The following SRPK1 variants were observed in gnomAD, a reference collection of about 807,000 sequenced individuals.
The protein encoded by SRPK1 is SRSF protein kinase 1.
In SRPK1, 52 loss-of-function variants were observed where a neutral mutation model predicts 89.5. That is an observed-to-expected ratio of 0.58 (90% confidence interval 0.46 to 0.73). SRPK1 has a LOEUF of 0.73. Among genes scored for constraint, SRPK1 ranks in the 30% least tolerant of loss-of-function variants. The pLI, the probability that SRPK1 is intolerant of heterozygous loss-of-function variation, is 0.00. For synonymous variants in SRPK1, 255 were observed against 270.2 expected (o/e 0.94, Z 0.55); for missense variants, 603 against 780.6 (o/e 0.77, Z 2.71).
intron 6 of SRPK1, among the ~76,000 whole-genome samples, chr6:35,876,906 C>T (rs762748999): frequency 3.3e-5 from 5 of 152,130 alleles, no homozygotes; most frequent in Non-Finnish European, 7.3e-5. Flanking sequence ...AGCTGAGAGT[C>T]TGGAGAGACC....
chr6:35,886,951 T>C, intron 5 of SRPK1, 140 bp from the exon 6 acceptor site: 1 of 592,228 alleles, frequency 1.7e-6, no homozygotes, highest in South Asian at 2.2e-5. Flanking sequence ...AAAATTTCAA[T>C]AGCTTTAATG....
At chr6:35,856,591 T>G (rs1366597438) in intron 13 of SRPK1, among the ~76,000 whole-genome samples, 1 of 152,136 alleles carries the variant, frequency 6.6e-6, no homozygotes, top group African/African-American at 2.4e-5. Flanking sequence ...ATCCAGACAG[T>G]TATACATAAC....
At chr6:35,908,807 G>A (rs984364374) in intron 2 of SRPK1, among the ~76,000 whole-genome samples, 3 of 152,226 alleles carry the variant, frequency 2.0e-5, no homozygotes, top group Non-Finnish European at 2.9e-5. Context: ...GGCTTAGGAG[G>A]AAAAAGCTAA....
At chr6:35,852,146 A>G (rs1236827988) in intron 13 of SRPK1, among the ~76,000 whole-genome samples, 1 of 152,174 alleles carries the variant, frequency 6.6e-6, no homozygotes, top group African/African-American at 2.4e-5. Flanking sequence ...TTCCTGGGGA[A>G]CAAATGCTTG....
At chr6:35,885,395 T>C (rs548651830) in intron 6 of SRPK1, among the ~76,000 whole-genome samples, 1 of 152,110 alleles carries the variant, frequency 6.6e-6, no homozygotes, top group Non-Finnish European at 1.5e-5. Flanking sequence ...CAGTTTTCCT[T>C]AGACATCTGG....
chr6:35,858,475 C>T (rs1769711532), intron 12 of SRPK1, among the ~76,000 whole-genome samples: 1 of 135,440 alleles, frequency 7.4e-6, no homozygotes, highest in Non-Finnish European at 1.6e-5. Flanking sequence ...CAGACTTCCA[C>T]TGGGGGAAAA....
At chr6:35,865,301 G>A (rs1394168586) in intron 12 of SRPK1, among the ~76,000 whole-genome samples, 1 of 151,586 alleles carries the variant, frequency 6.6e-6, no homozygotes, top group African/African-American at 2.4e-5. Context: ...GATACCCCAC[G>A]AATACATACA....
At chr6:35,858,737 A>G (rs866505810) in intron 12 of SRPK1, among the ~76,000 whole-genome samples, 1 of 152,142 alleles carries the variant, frequency 6.6e-6, no homozygotes, top group Non-Finnish European at 1.5e-5. Context: ...AAAAGATGAC[A>G]TAAACCAAGA....
intron 2 of SRPK1, among the ~76,000 whole-genome samples, chr6:35,902,028 T>C (rs952975969): frequency 2.0e-5 from 3 of 151,906 alleles, no homozygotes; most frequent in Non-Finnish European, 4.4e-5. Context: ...CTACCATATA[T>C]ACACACACAT....
intron 13 of SRPK1, among the ~76,000 whole-genome samples, chr6:35,845,190 A>G (rs1338961985): frequency 6.6e-6 from 1 of 152,220 alleles, no homozygotes. Context: ...ACGATATTGT[A>G]TATAATAATG....
chr6:35,842,454 C>A, intron 14 of SRPK1, 81 bp downstream of exon 14: 1 of 1,115,428 alleles, frequency 9.0e-7, no homozygotes, highest in Non-Finnish European at 1.3e-6. Flanking sequence ...GACTAAGGCT[C>A]TTCGGTACTA....
At position 35,839,807 on chromosome 6, in the gene SRPK1, G is replaced by A. The variant is rs568019942; in HGVS notation, c.1691-1378C>T. 3.3e-5 allele frequency among the ~76,000 whole-genome samples: 5 copies of A among 152,018 alleles called. No individual in the cohort carries two copies. The South Asian group carries it at 1.0e-3, about 32-fold the overall frequency. On this transcript the variant is annotated intron_variant, in intron 14 of 15. Transcript: ENST00000373825. ...TGATTCTTGTGTCTCAGCCTCCTGA[G>A]TAGCTGGGATTACAGGTGCATACCA...
At chr6:35,916,040 AC>A (rs1232562630) in intron 2 of SRPK1, among the ~76,000 whole-genome samples, 1 of 117,530 alleles carries the variant, frequency 8.5e-6, no homozygotes, top group Non-Finnish European at 1.9e-5. Context: ...ACACACACAC[AC>A]ACGTTTATTA....
At position 35,842,579 on chromosome 6, in the gene SRPK1, T is replaced by C. The variant is rs368604697; in HGVS notation, c.1646A>G (p.Tyr549Cys). 1 of 1,611,724 alleles carries C rather than the reference T, an allele frequency of 6.2e-7. No homozygotes were observed. The change falls in exon 14 of 16, where the codon TAT becomes TGT. Residue 549 changes from tyrosine to cysteine, a missense_variant. Coordinates refer to ENST00000373825, the MANE Select transcript of SRPK1 (RefSeq NM_003137.5). ...TTCCCCTGAATGAGGTTCAAACAAA[T>C]AGTCACCTGTGGCCAGTTCAAAGGC... ...CMAFELATGD[Y>C]LFEPHSGEEY... is the part of the protein sequence containing the mutation.
intron 2 of SRPK1, among the ~76,000 whole-genome samples, chr6:35,899,411 C>A (rs1581594248): frequency 6.6e-6 from 1 of 152,168 alleles, no homozygotes; most frequent in African/African-American, 2.4e-5. Context: ...CCTTAACCCG[C>A]TACTTTTCTT....
At chr6:35,897,809 T>C (rs1770655596) in intron 2 of SRPK1, among the ~76,000 whole-genome samples, 1 of 152,194 alleles carries the variant, frequency 6.6e-6, no homozygotes, top group African/African-American at 2.4e-5. Context: ...ACCACACCCA[T>C]CCTGTAGCTT....
chr6:35,881,573 T>C (rs1770292349), intron 6 of SRPK1, among the ~76,000 whole-genome samples: 1 of 151,704 alleles, frequency 6.6e-6, no homozygotes, highest in South Asian at 2.1e-4. Flanking sequence ...TCCATGCAAA[T>C]AGTAACCAAA....
At chr6:35,907,229 T>C (rs1434513131) in intron 2 of SRPK1, among the ~76,000 whole-genome samples, 1 of 151,438 alleles carries the variant, frequency 6.6e-6, no homozygotes, top group Non-Finnish European at 1.5e-5. Flanking sequence ...ACAAAGGCAA[T>C]GGAAAGACTT....
Position 35,869,671 on chromosome 6 carries a change from A to T in SRPK1, c.1222T>A (p.Ser408Thr), listed in dbSNP as rs1480109056. The change falls in exon 11 of 16, where the codon TCT becomes ACT. Residue 408 changes from serine (S) to threonine (T), a missense_variant. By Grantham distance (58) the Ser-to-Thr change is moderately conservative. Transcript: ENST00000373825. ...GGTGTACAAGAGTCTGTTTCTTGAGATGTGCTGCTGTCTCCATTTTGGGAG... is the reference window on the plus strand; with the variant it reads ...GGTGTACAAGAGTCTGTTTCTTGAGTTGTGCTGCTGTCTCCATTTTGGGAG... ...LSSQNGDSSTSQETDSCTPIT... is the reference protein window; with the variant it reads ...LSSQNGDSSTTQETDSCTPIT... 1.2e-6 allele frequency: 2 copies of T among 1,613,896 alleles called. No homozygotes were observed. Among genetic ancestry groups the T allele is most frequent in the African/African-American group, 2.7e-5 (2 of 74,924 alleles).
Sources: allele counts gnomAD v4.1 joint callset (sites outside exome capture counted in the v4.1 genomes callset), GRCh38; gene constraint gnomAD v4.1.1; transcripts MANE v1.5; gene names NCBI Gene and HGNC (gene_info 2026-07-23, HGNC 2026-07-21).